Variants in RABL6 observed in about 807,000 individuals in gnomAD.
RABL6 encodes RAB, member RAS oncogene family like 6, also known as rab-like protein 6.
RABL6 carries 28 observed loss-of-function variants against 72.9 expected under a neutral mutation model. That is an observed-to-expected ratio of 0.38 (90% CI 0.28 to 0.53). The LOEUF (loss-of-function observed/expected upper bound fraction) is 0.53, where lower values mean the gene tolerates loss of function less well. Ranked by LOEUF, RABL6 falls within the 20% of genes least tolerant of loss-of-function variation. RABL6 has a pLI of 0.80. For missense variants in RABL6, 1,029 were observed against 1,008.4 expected (o/e 1.02, Z -0.28); for synonymous variants, 477 against 421.2 (o/e 1.13, Z -1.62).
In RABL6 at chr9:136,840,876, G is replaced by A; in HGVS notation, c.*354G>A. 7 of 1,531,076 alleles carry A rather than the reference G, an allele frequency of 4.6e-6. No homozygotes were observed. The highest frequency in any genetic ancestry group is 6.2e-6 in the Non-Finnish European group (7 of 1,135,578). 94.8% of individuals were successfully genotyped at this position (1,531,076 alleles called of 1,614,324 possible). On this transcript the variant is annotated 3_prime_UTR_variant, in exon 15 of 15. Transcript: ENST00000311502. ...GAGGCTGGGCAGGGGCCGCTTGGCTGTGGGGTGTGCGCTGCCCCGGCACCT... is the reference window on the plus strand; with the variant it reads ...GAGGCTGGGCAGGGGCCGCTTGGCTATGGGGTGTGCGCTGCCCCGGCACCT...
intron 1 of RABL6, among the ~76,000 whole-genome samples, chr9:136,818,875 C>G (rs1013064359): frequency 6.6e-6 from 1 of 152,096 alleles, no homozygotes; most frequent in East Asian, 1.9e-4. Flanking sequence ...ACAGTCAAGG[C>G]GTTCAGATCT....
chr9:136,821,383 C>CA, intron 1 of RABL6: 2 of 985,474 alleles, frequency 2.0e-6, no homozygotes, highest in Non-Finnish European at 2.4e-6. Context: ...CACCGGGAAG[C>CA]ACAGCGCGTG....
chr9:136,825,250 C>T (rs1848327591), intron 2 of RABL6, among the ~76,000 whole-genome samples: 1 of 152,264 alleles, frequency 6.6e-6, no homozygotes, highest in South Asian at 2.1e-4. Context: ...AGAGGCCAGT[C>T]ACTGGATGAA....
chr9:136,818,178 A>G (rs1305699024), intron 1 of RABL6, among the ~76,000 whole-genome samples: 1 of 151,210 alleles, frequency 6.6e-6, no homozygotes, highest in Non-Finnish European at 1.5e-5. Context: ...CCTGGCTAAC[A>G]CAGTGAAACC....
chr9:136,829,258 C>T (rs1848421061), intron 4 of RABL6, 135 bp from the exon 5 acceptor site: 2 of 712,722 alleles, frequency 2.8e-6, no homozygotes, highest in African/African-American at 1.8e-5. Flanking sequence ...CCCATCTCTT[C>T]AGCATATCGT....
intron 1 of RABL6, among the ~76,000 whole-genome samples, chr9:136,819,941 A>G (rs751365281): frequency 6.6e-6 from 1 of 152,124 alleles, no homozygotes; most frequent in Non-Finnish European, 1.5e-5. Context: ...GGTGGCTCAC[A>G]TCTGTAATCC....
intron 7 of RABL6, among the ~76,000 whole-genome samples, chr9:136,834,944 A>T (rs1848558379): frequency 6.6e-6 from 1 of 151,710 alleles, no homozygotes; most frequent in South Asian, 2.1e-4. Context: ...AAAAAAAAAA[A>T]AAAAAAATCT....
At chr9:136,834,256 A>G (rs577908011) in intron 7 of RABL6, 6 of 1,113,428 alleles carry the variant, frequency 5.4e-6, no homozygotes, top group East Asian at 5.0e-5. Context: ...ACCTAATGTA[A>G]TACCGCATGT....
In RABL6 at chr9:136,839,810, G is replaced by C. The variant is rs200255515; in HGVS notation, c.1875G>C (p.Ser625=). The change falls in exon 13 of 15, where the codon TCG becomes TCC. Residue 625 remains serine (S), a synonymous_variant. Coordinates refer to ENST00000311502, the MANE Select transcript of RABL6 (RefSeq NM_024718.5). ...CCGCCTTCAGACTGAAGAATGACTC[G>C]GACCTCTTCGGGCTGGGGCTGGAGG... The part of the protein sequence containing the change: ...PLPAFRLKND[S]DLFGLGLEEA... The C allele has an allele frequency of 2.1e-4, 338 of 1,612,738 alleles. No homozygotes were observed. Among genetic ancestry groups the C allele is most frequent in the Non-Finnish European group, 2.7e-4 (322 of 1,179,830 alleles).
Position 136,840,729 on chromosome 9 carries a change from G to A in RABL6, c.*207G>A, listed in dbSNP as rs771080395. 2.0e-4 allele frequency: 309 copies of A among 1,548,476 alleles called. No homozygotes were observed. Among genetic ancestry groups the A allele is most frequent in the Non-Finnish European group, 2.6e-4 (298 of 1,146,836 alleles). The stretch of plus-strand genomic sequence containing the variant: ...CCAGTGTGAGCCTGCTCTGCAAGAA[G>A]GGAGGGGACAGCTGGCTTCAGCCAG... On this transcript the variant is annotated 3_prime_UTR_variant, in exon 15 of 15. Coordinates refer to ENST00000311502, the MANE Select transcript of RABL6 (RefSeq NM_024718.5).
At chr9:136,832,472 T>C (rs748129933) in intron 7 of RABL6, 102 bp downstream of exon 7, 1 of 974,872 alleles carries the variant, frequency 1.0e-6, no homozygotes, top group Admixed American at 1.8e-5. Context: ...CTGAGAAAGC[T>C]GTGGACCTGC....
intron 7 of RABL6, chr9:136,834,041 C>G (rs1048296531): frequency 4.0e-5 from 59 of 1,461,552 alleles, no homozygotes; most frequent in Non-Finnish European, 5.0e-5. Flanking sequence ...AAGCGTAGGG[C>G]TGAGCTGTGT....
At chr9:136,836,036 C>G (rs1848579013) in intron 8 of RABL6, 191 bp downstream of exon 8, 1 of 583,366 alleles carries the variant, frequency 1.7e-6, no homozygotes, top group South Asian at 2.1e-5. Context: ...ACAGTCACCC[C>G]TGGCGTGGAC....
intron 1 of RABL6, among the ~76,000 whole-genome samples, chr9:136,812,598 C>T (rs1220547874): frequency 6.6e-6 from 1 of 152,014 alleles, no homozygotes; most frequent in Non-Finnish European, 1.5e-5. Flanking sequence ...TATGAATATC[C>T]AGTCAAAACA....
chr9:136,823,042 A>G (rs555473314), intron 1 of RABL6, among the ~76,000 whole-genome samples: 21 of 150,140 alleles, frequency 1.4e-4, no homozygotes, highest in Admixed American at 4.7e-4. Context: ...GAGCCGAGAT[A>G]GCACCACTGC....
chr9:136,840,026 C>T (rs891456720), intron 13 of RABL6, 128 bp from the exon 14 acceptor site: 135 of 1,485,292 alleles, frequency 9.1e-5, no homozygotes, highest in Middle Eastern at 2.2e-4. Context: ...CAGTGTGGTC[C>T]TGTCCATCAG....
intron 1 of RABL6, chr9:136,813,843 C>G (rs1017328600): frequency 2.7e-5 from 6 of 225,656 alleles, no homozygotes; most frequent in Non-Finnish European, 4.4e-5. Flanking sequence ...TCTTGATCTC[C>G]TGACCTCGTG....
intron 1 of RABL6, chr9:136,821,406 G>C: frequency 1.0e-6 from 1 of 985,458 alleles, no homozygotes. Flanking sequence ...CCGCCTGAGC[G>C]GTGCCGGGGC....
intron 4 of RABL6, 86 bp downstream of exon 4, chr9:136,828,632 C>T: frequency 7.1e-7 from 1 of 1,413,892 alleles, no homozygotes; most frequent in Non-Finnish European, 9.9e-7. Flanking sequence ...CGCTTTTGAC[C>T]CCAACCACCC....
Sources: allele counts gnomAD v4.1 joint callset (sites outside exome capture counted in the v4.1 genomes callset), GRCh38; gene constraint gnomAD v4.1.1; transcripts MANE v1.5; gene names NCBI Gene and HGNC (gene_info 2026-07-23, HGNC 2026-07-21).